KHDRBS3: variants seen among roughly 807,000 people sequenced by gnomAD.
KHDRBS3 encodes the protein KH domain-containing, RNA-binding, signal transduction-associated protein 3.
A neutral mutation model predicts 45.6 loss-of-function variants in KHDRBS3; 23 were observed. The ratio of observed to expected loss-of-function variants is 0.50; its 90% CI spans 0.36 to 0.72. The LOEUF is 0.72. KHDRBS3 is among the 30% of genes least tolerant of loss of function. The probability of loss-of-function intolerance (pLI) is 0.00; values close to 1 mark genes in which losing one functional copy is unlikely to be tolerated. For missense variants in KHDRBS3, 352 were observed against 424.8 expected (o/e 0.83, Z 1.51); for synonymous variants, 162 against 156.5 (o/e 1.04, Z -0.26).
chr8:135,578,320 A>G (rs1828042823), intron 5 of KHDRBS3, among the ~76,000 whole-genome samples: 2 of 152,058 alleles, frequency 1.3e-5, no homozygotes, highest in South Asian at 4.1e-4. Flanking sequence ...AATATAATAC[A>G]GATTTTCTTC....
At chr8:135,533,934 AAAT>A (rs1204278236) in intron 2 of KHDRBS3, among the ~76,000 whole-genome samples, 2 of 152,170 alleles carry the variant, frequency 1.3e-5, no homozygotes, top group African/African-American at 4.8e-5. Flanking sequence ...GTAATTTATC[AAAT>A]ATTGAACTGA....
At chr8:135,557,817 G>A (rs1299606920) in intron 5 of KHDRBS3, among the ~76,000 whole-genome samples, 2 of 152,134 alleles carry the variant, frequency 1.3e-5, no homozygotes, top group East Asian at 3.9e-4. Context: ...GCAACGTAGT[G>A]AGACCCTATC....
At chr8:135,503,324 C>T (rs892810220) in intron 1 of KHDRBS3, among the ~76,000 whole-genome samples, 3 of 152,186 alleles carry the variant, frequency 2.0e-5, no homozygotes, top group Admixed American at 6.5e-5. Flanking sequence ...GCTACTGTCA[C>T]GGCACTATGG....
At chr8:135,499,711 C>A (rs1474588888) in intron 1 of KHDRBS3, among the ~76,000 whole-genome samples, 2 of 152,094 alleles carry the variant, frequency 1.3e-5, no homozygotes, top group African/African-American at 4.8e-5. Flanking sequence ...GTTTTAAAGG[C>A]GTTTATCTTA....
At chr8:135,640,165 G>C (rs901393812) in intron 7 of KHDRBS3, among the ~76,000 whole-genome samples, 1 of 152,186 alleles carries the variant, frequency 6.6e-6, no homozygotes, top group East Asian at 1.9e-4. Flanking sequence ...AGGACAGATG[G>C]GGGTATGCAG....
At chr8:135,501,599 A>G (rs561881321) in intron 1 of KHDRBS3, among the ~76,000 whole-genome samples, 1 of 152,116 alleles carries the variant, frequency 6.6e-6, no homozygotes, top group Non-Finnish European at 1.5e-5. Flanking sequence ...GTCATACTAT[A>G]TTTTTTACCT....
At chr8:135,607,149 G>A in intron 7 of KHDRBS3, 112 bp downstream of exon 7, 1 of 726,766 alleles carries the variant, frequency 1.4e-6, no homozygotes, top group South Asian at 2.5e-5. Flanking sequence ...GGCTTGCCCT[G>A]TTTTTGTATT....
At chr8:135,655,727 T>TTTTG (rs60237151) in intron 4 of KHDRBS3, among the ~76,000 whole-genome samples, 69,396 of 151,268 alleles carry the variant, frequency 0.46, 16,029 homozygotes, top group South Asian at 0.55. Context: ...CGATTGGGTT[T>TTTTG]TTTGTTTGTT....
intron 1 of KHDRBS3, among the ~76,000 whole-genome samples, chr8:135,487,094 A>G (rs1369533650): frequency 6.6e-6 from 1 of 152,112 alleles, no homozygotes; most frequent in Non-Finnish European, 1.5e-5. Flanking sequence ...TAAATGTCAT[A>G]TATTCATTGT....
chr8:135,587,965 T>A (rs1484252506), intron 6 of KHDRBS3, among the ~76,000 whole-genome samples: 1 of 152,226 alleles, frequency 6.6e-6, no homozygotes, highest in Non-Finnish European at 1.5e-5. Flanking sequence ...TCCTCTTTAC[T>A]GCTGCTCTCA....
At chr8:135,461,977 A>G (rs938799388) in intron 1 of KHDRBS3, among the ~76,000 whole-genome samples, 4 of 152,210 alleles carry the variant, frequency 2.6e-5, no homozygotes, top group African/African-American at 9.6e-5. Context: ...ATATTAAGGA[A>G]GGATTATTAT....
At chr8:135,593,887 T>A (rs936993741) in intron 6 of KHDRBS3, among the ~76,000 whole-genome samples, 1 of 152,120 alleles carries the variant, frequency 6.6e-6, no homozygotes, top group Non-Finnish European at 1.5e-5. Flanking sequence ...TACAACTGCT[T>A]GATGGAATGT....
At chr8:135,634,053 CT>C (rs1243451790) in intron 7 of KHDRBS3, among the ~76,000 whole-genome samples, 4 of 152,218 alleles carry the variant, frequency 2.6e-5, no homozygotes, top group African/African-American at 7.2e-5. Flanking sequence ...CCCTCAACCC[CT>C]GTCAGTTGCT....
At chr8:135,635,632 C>T (rs1830779490) in intron 7 of KHDRBS3, among the ~76,000 whole-genome samples, 1 of 152,188 alleles carries the variant, frequency 6.6e-6, no homozygotes, top group Admixed American at 6.5e-5. Context: ...ATCCACCTGC[C>T]TCGGTCTCCC....
chr8:135,595,352 A>G (rs561012382), intron 6 of KHDRBS3, among the ~76,000 whole-genome samples: 2 of 152,312 alleles, frequency 1.3e-5, no homozygotes, highest in East Asian at 3.9e-4. Flanking sequence ...TAGGATTCGT[A>G]CCTTTTTATG....
intron 5 of KHDRBS3, among the ~76,000 whole-genome samples, chr8:135,576,169 A>G (rs1340204199): frequency 2.6e-5 from 4 of 152,338 alleles, no homozygotes; most frequent in African/African-American, 9.6e-5. Flanking sequence ...CGTACTGTCC[A>G]CATGACTTAT....
chr8:135,635,509 G>A (rs1218212527), intron 7 of KHDRBS3, among the ~76,000 whole-genome samples: 6 of 152,034 alleles, frequency 3.9e-5, no homozygotes, highest in Admixed American at 6.6e-5. Context: ...TCAGCCTCCC[G>A]AGTAGCTGGG....
chr8:135,639,126 G>A (rs1172161142), intron 7 of KHDRBS3, among the ~76,000 whole-genome samples: 1 of 152,184 alleles, frequency 6.6e-6, no homozygotes, highest in East Asian at 1.9e-4. Flanking sequence ...GATGAGCATT[G>A]ACCATTGAAT....
chr8:135,480,154 G>A (rs1019102937), intron 1 of KHDRBS3, among the ~76,000 whole-genome samples: 22 of 152,004 alleles, frequency 1.4e-4, no homozygotes, highest in Non-Finnish European at 2.9e-4. Context: ...GGAATAGAAA[G>A]GAACTTCTAA....
Sources: allele counts gnomAD v4.1 joint callset (sites outside exome capture counted in the v4.1 genomes callset), GRCh38; gene constraint gnomAD v4.1.1; transcripts MANE v1.5; gene names NCBI Gene and HGNC (gene_info 2026-07-23, HGNC 2026-07-21).